DPH5: variants seen among roughly 807,000 people sequenced by gnomAD.
The protein encoded by DPH5 is diphthamide biosynthesis 5, also known as diphthine methyl ester synthase.
Under a neutral mutation model 31.6 loss-of-function variants are expected in DPH5, and 31 were observed. The observed-to-expected ratio is 0.98, with a 90% confidence interval of 0.74 to 1.32. The LOEUF (loss-of-function observed/expected upper bound fraction) is 1.32, where lower values mean the gene tolerates loss of function less well. DPH5 is among the 40% of genes most tolerant of loss of function. DPH5 has a pLI of 0.00. For missense variants in DPH5, 309 were observed against 335.7 expected, an observed-to-expected ratio of 0.92 and a Z score of 0.62; for synonymous variants, 120 against 115.0, an observed-to-expected ratio of 1.04 and a Z score of -0.28.
intron 4 of DPH5, among the ~76,000 whole-genome samples, chr1:101,012,127 C>T (rs1659741104): frequency 6.6e-6 from 1 of 152,016 alleles, no homozygotes; most frequent in East Asian, 1.9e-4. Flanking sequence ...TCTTGAATTT[C>T]TGACTTCAGG....
At chr1:101,013,922 CTT>C in intron 3 of DPH5, 104 bp from the exon 4 acceptor site, 3 of 839,862 alleles carry the variant, frequency 3.6e-6, no homozygotes, top group Non-Finnish European at 5.4e-6. Context: ...GGAGCACTGC[CTT>C]TCTTCAAATT....
chr1:100,998,608 A>G (rs888972577), intron 5 of DPH5, among the ~76,000 whole-genome samples: 3 of 152,234 alleles, frequency 2.0e-5, no homozygotes, highest in Non-Finnish European at 2.9e-5. Context: ...TCATAAGACC[A>G]AGTCTGAGAA....
chr1:101,000,788 C>T (rs1341280260), intron 5 of DPH5, among the ~76,000 whole-genome samples: 1 of 152,206 alleles, frequency 6.6e-6, no homozygotes, highest in Non-Finnish European at 1.5e-5. Flanking sequence ...TTCAGTGCCT[C>T]TGCTAGAAAG....
At chr1:101,008,062 T>C (rs2101217383) in intron 4 of DPH5, among the ~76,000 whole-genome samples, 1 of 152,368 alleles carries the variant, frequency 6.6e-6, no homozygotes, top group East Asian at 1.9e-4. Flanking sequence ...AATGAAAATT[T>C]GAGTACCTAA....
intron 3 of DPH5, among the ~76,000 whole-genome samples, chr1:101,021,260 A>C (rs2101301418): frequency 6.6e-6 from 1 of 152,340 alleles, no homozygotes; most frequent in East Asian, 1.9e-4. Context: ...AGGACAAAAG[A>C]AGTCGAAGAT....
chr1:100,993,237 G>T (rs185000437), intron 6 of DPH5, among the ~76,000 whole-genome samples: 2 of 151,942 alleles, frequency 1.3e-5, no homozygotes, highest in African/African-American at 4.8e-5. Context: ...CAGGCTTGCC[G>T]AACTATCATA....
intron 5 of DPH5, among the ~76,000 whole-genome samples, chr1:101,000,853 TG>T (rs1367497304): frequency 1.3e-5 from 2 of 152,316 alleles, no homozygotes; most frequent in East Asian, 1.9e-4. Flanking sequence ...ACAAAGACAG[TG>T]ATCCCAGCTC....
chr1:101,008,830 A>C (rs1047179620), intron 4 of DPH5, among the ~76,000 whole-genome samples: 2 of 152,232 alleles, frequency 1.3e-5, no homozygotes, highest in African/African-American at 4.8e-5. Context: ...ACATAACAAT[A>C]ACTCTTCCAA....
At chr1:101,008,045 T>G (rs1659365201) in intron 4 of DPH5, among the ~76,000 whole-genome samples, 1 of 152,234 alleles carries the variant, frequency 6.6e-6, no homozygotes, top group Non-Finnish European at 1.5e-5. Flanking sequence ...AATCCTAAAA[T>G]TTATTGAATG....
intron 5 of DPH5, among the ~76,000 whole-genome samples, chr1:100,998,932 C>T (rs774207333): frequency 5.9e-5 from 9 of 152,126 alleles, no homozygotes; most frequent in South Asian, 2.1e-4. Flanking sequence ...TTTTGAGGAC[C>T]ATATGGTCTC....
intron 6 of DPH5, among the ~76,000 whole-genome samples, chr1:100,993,547 G>T: frequency 1.4e-5 from 1 of 73,282 alleles, no homozygotes; most frequent in Non-Finnish European, 2.8e-5. Context: ...GCAAGACTCT[G>T]TCGAAAATAT....
At chr1:101,010,111 T>C (rs908614118) in intron 4 of DPH5, among the ~76,000 whole-genome samples, 2 of 152,258 alleles carry the variant, frequency 1.3e-5, no homozygotes, top group African/African-American at 2.4e-5. Flanking sequence ...CCCACTAAAA[T>C]AGAATCTCTT....
chr1:101,025,368 A>T lies in DPH5; in HGVS notation c.76T>A (p.Cys26Ser), dbSNP rs1482941521. 7 of 1,614,224 alleles carry T rather than the reference A, an allele frequency of 4.3e-6. No homozygotes were observed. The highest frequency in any genetic ancestry group is 3.4e-6 in the Non-Finnish European group (4 of 1,180,036). ...TVKGLEVVRRCSRVYLEAYTS... is the reference protein window; with the variant it reads ...TVKGLEVVRRSSRVYLEAYTS... ...TAGGCTTCCAGATACACTCGACTGC[A>T]GCGTCTAACAACTTCCAGGCCCTTG... Residue 26 changes from cysteine (C) to serine (S), a missense_variant, in exon 2 of 8, where the codon TGC (cysteine) becomes AGC (serine). Transcript: ENST00000370109.
chr1:100,993,069 CTAGCT>C (rs1394029914), intron 6 of DPH5, among the ~76,000 whole-genome samples: 4 of 152,198 alleles, frequency 2.6e-5, no homozygotes, highest in African/African-American at 9.6e-5. Context: ...GGTCTATACT[CTAGCT>C]TAATCAGGTT....
intron 3 of DPH5, among the ~76,000 whole-genome samples, chr1:101,019,117 CAG>C (rs1660280161): frequency 6.6e-6 from 1 of 152,118 alleles, no homozygotes; most frequent in African/African-American, 2.4e-5. Flanking sequence ...TCATTAGAAA[CAG>C]TGTGTTTAAT....
At chr1:101,002,909 G>A (rs1332330931) in intron 4 of DPH5, among the ~76,000 whole-genome samples, 1 of 152,104 alleles carries the variant, frequency 6.6e-6, no homozygotes, top group East Asian at 1.9e-4. Flanking sequence ...TAGAGCAGCA[G>A]CTCAACGTTT....
At chr1:101,008,658 T>G (rs1659415497) in intron 4 of DPH5, among the ~76,000 whole-genome samples, 1 of 152,024 alleles carries the variant, frequency 6.6e-6, no homozygotes, top group Non-Finnish European at 1.5e-5. Context: ...TATTTGTATG[T>G]GTGTGTGTGT....
intron 5 of DPH5, among the ~76,000 whole-genome samples, chr1:101,000,961 T>C (rs1658820681): frequency 2.0e-5 from 3 of 152,206 alleles, no homozygotes; most frequent in South Asian, 2.1e-4. Flanking sequence ...CTGCCAACAA[T>C]TGACTAGGTG....
At chr1:100,997,846 C>T (rs1243665569) in intron 5 of DPH5, among the ~76,000 whole-genome samples, 1 of 152,060 alleles carries the variant, frequency 6.6e-6, no homozygotes. Context: ...TAGCAAAAGT[C>T]CTTTTAAAAA....
Sources: allele counts gnomAD v4.1 joint callset (sites outside exome capture counted in the v4.1 genomes callset), GRCh38; gene constraint gnomAD v4.1.1; transcripts MANE v1.5; gene names NCBI Gene and HGNC (gene_info 2026-07-23, HGNC 2026-07-21).